Variants in FGD3 observed in about 807,000 individuals in gnomAD.
FGD3 encodes FYVE, RhoGEF and PH domain containing 3.
In FGD3, 45 loss-of-function variants were observed where a neutral mutation model predicts 71.8. That is an observed-to-expected ratio of 0.63 (90% CI 0.49 to 0.80). FGD3 has a LOEUF of 0.80. Ranked by LOEUF, FGD3 falls within the 30% of genes least tolerant of loss-of-function variation. The pLI is 0.00. For missense variants in FGD3, 844 were observed against 951.5 expected, an observed-to-expected ratio of 0.89 and a Z score of 1.49; for synonymous variants, 378 against 392.8, an observed-to-expected ratio of 0.96 and a Z score of 0.44.
At chr9:92,991,136 T>C (rs1399680144) in intron 3 of FGD3, among the ~76,000 whole-genome samples, 1 of 152,144 alleles carries the variant, frequency 6.6e-6, no homozygotes, top group Non-Finnish European at 1.5e-5. Flanking sequence ...TGGAGTGCAG[T>C]GGCGCAATCT....
At chr9:92,952,321 C>G (rs924610337) in intron 1 of FGD3, among the ~76,000 whole-genome samples, 2 of 150,750 alleles carry the variant, frequency 1.3e-5, no homozygotes, top group Non-Finnish European at 2.9e-5. Flanking sequence ...ACTGCAAGCT[C>G]CGCTTCCTGG....
intron 14 of FGD3, among the ~76,000 whole-genome samples, chr9:93,024,486 A>C (rs1020145244): frequency 6.6e-6 from 1 of 152,378 alleles, no homozygotes; most frequent in African/African-American, 2.4e-5. Context: ...CTCCATGTCC[A>C]GCCCCGGGCC....
intron 5 of FGD3, among the ~76,000 whole-genome samples, chr9:93,005,090 C>T (rs1245760590): frequency 2.6e-5 from 4 of 152,010 alleles, no homozygotes; most frequent in Non-Finnish European, 4.4e-5. Flanking sequence ...TTTATAACAG[C>T]ACAGGGGTCC....
intron 3 of FGD3, among the ~76,000 whole-genome samples, chr9:92,989,747 T>C (rs1465657548): frequency 6.6e-6 from 1 of 152,198 alleles, no homozygotes; most frequent in Non-Finnish European, 1.5e-5. Context: ...TAAGATGAGG[T>C]AAACATAGGG....
intron 1 of FGD3, among the ~76,000 whole-genome samples, chr9:92,964,675 C>T (rs934971760): frequency 4.6e-5 from 7 of 152,186 alleles, no homozygotes; most frequent in Non-Finnish European, 7.3e-5. Context: ...ACAAGATGAA[C>T]GGTGCCTGCC....
intron 8 of FGD3, among the ~76,000 whole-genome samples, chr9:93,011,571 C>A (rs1196005672): frequency 1.3e-5 from 2 of 152,210 alleles, no homozygotes; most frequent in African/African-American, 4.8e-5. Context: ...AAGAATCACT[C>A]TATGGGCCGG....
rs1008634598 is a variant in FGD3 at position 93,033,048 on chromosome 9, G to A, written c.1785+175G>A. On this transcript the variant is annotated intron_variant, in intron 16 of 17. Coordinates refer to ENST00000375482, the MANE Select transcript of FGD3 (RefSeq NM_001083536.2). The stretch of plus-strand genomic sequence containing the variant: ...GCTGGGAACACACTCGGAAGATCCC[G>A]TGTGTGCACGCTGGCTTCTCGGGAC... The A allele has an allele frequency of 3.6e-5, 25 of 697,010 alleles. 1 individual carries two copies. The Admixed American group carries it at 4.1e-4, about 11-fold the overall frequency. The allele number at this position is 697,010 out of a possible 1,614,324, so 43.2% of individuals were successfully genotyped here. A position where few individuals can be genotyped will look rare whatever the true frequency, so the allele number is the denominator to read the frequency against.
At chr9:93,015,907 G>T (rs1431632048) in intron 10 of FGD3, 78 bp downstream of exon 10, 3 of 1,298,856 alleles carry the variant, frequency 2.3e-6, no homozygotes, top group Admixed American at 1.7e-5. Context: ...GGCTCTGGCC[G>T]CTGAGGCACT....
intron 8 of FGD3, among the ~76,000 whole-genome samples, chr9:93,011,551 T>A (rs1386432900): frequency 6.6e-6 from 1 of 152,186 alleles, no homozygotes; most frequent in African/African-American, 2.4e-5. Context: ...TGGGCATCTG[T>A]GGAGAGTAAA....
At chr9:93,022,289 TG>T in intron 13 of FGD3, 37 bp from the exon 14 acceptor site, 1 of 1,594,374 alleles carries the variant, frequency 6.3e-7, no homozygotes, top group Non-Finnish European at 8.6e-7. Flanking sequence ...TGCGTGGCCC[TG>T]GAATCTCCTC....
chr9:92,994,836 T>TCTGTTTTGGTACCAGTACCATG (rs1564154333), intron 3 of FGD3, among the ~76,000 whole-genome samples: 1 of 152,176 alleles, frequency 6.6e-6, no homozygotes, highest in Non-Finnish European at 1.5e-5. Flanking sequence ...GGTCTATATC[T>TCTGTTTTGGTACCAGTACCATG]CTGTTTTGGT....
chr9:93,002,315 G>A (rs1860884491), intron 3 of FGD3, among the ~76,000 whole-genome samples: 1 of 152,172 alleles, frequency 6.6e-6, no homozygotes, highest in Non-Finnish European at 1.5e-5. Context: ...CAGGCACGGT[G>A]GCTCACACCT....
chr9:93,019,770 G>T (rs760856473), intron 11 of FGD3, 61 bp from the exon 12 acceptor site: 18 of 1,502,218 alleles, frequency 1.2e-5, no homozygotes, highest in Non-Finnish European at 1.6e-5. Flanking sequence ...TTGAGAGAGG[G>T]CTGGTCATTT....
chr9:93,013,831 T>C (rs752537982), intron 8 of FGD3, 21 bp from the exon 9 acceptor site: 4 of 1,611,256 alleles, frequency 2.5e-6, no homozygotes, highest in Middle Eastern at 1.7e-4. Flanking sequence ...CTTTGGTGCC[T>C]GAGTCCCATG....
At chr9:92,991,000 T>A (rs1860385750) in intron 3 of FGD3, among the ~76,000 whole-genome samples, 1 of 152,188 alleles carries the variant, frequency 6.6e-6, no homozygotes, top group African/African-American at 2.4e-5. Context: ...GTATCAATTG[T>A]TCTTTATAGG....
intron 7 of FGD3, among the ~76,000 whole-genome samples, 160 bp downstream of exon 7, chr9:93,010,544 G>A (rs1348890535): frequency 6.6e-6 from 1 of 151,936 alleles, no homozygotes; most frequent in African/African-American, 2.4e-5. Context: ...GCAGGGGAGG[G>A]AGAGAGATGG....
chr9:92,968,112 T>C (rs1250242501), intron 1 of FGD3, among the ~76,000 whole-genome samples: 1 of 152,126 alleles, frequency 6.6e-6, no homozygotes, highest in Non-Finnish European at 1.5e-5. Flanking sequence ...GTGGCTGCCC[T>C]AAGAAAAGCT....
chr9:92,993,297 T>G (rs1047854113), intron 3 of FGD3, among the ~76,000 whole-genome samples: 1 of 152,140 alleles, frequency 6.6e-6, no homozygotes, highest in Non-Finnish European at 1.5e-5. Context: ...GTCTATTTTA[T>G]CTAACTATGG....
At chr9:93,011,583 C>T (rs1360008592) in intron 8 of FGD3, among the ~76,000 whole-genome samples, 3 of 152,208 alleles carry the variant, frequency 2.0e-5, no homozygotes, top group Admixed American at 6.5e-5. Flanking sequence ...ATGGGCCGGG[C>T]GCGGTTGCTC....
Sources: gnomAD v4.1 joint callset for allele counts (sites outside exome capture counted in the v4.1 genomes callset) on GRCh38, gnomAD v4.1.1 for gene constraint, MANE v1.5 for transcripts, NCBI Gene and HGNC (gene_info 2026-07-23, HGNC 2026-07-21) for gene names.